ZNF578: variants seen among roughly 807,000 people sequenced by gnomAD.
ZNF578 encodes the protein Putative chemokine-related protein B42.
In ZNF578, 8 loss-of-function variants were observed where a neutral mutation model predicts 8.3. The observed-to-expected ratio is 0.96, with a 90% CI of 0.56 to 1.74. The LOEUF is 1.74. Among genes scored for constraint, ZNF578 ranks in the 40% most tolerant of loss-of-function variants. The probability of loss-of-function intolerance (pLI) is 0.00; values close to 1 mark genes in which losing one functional copy is unlikely to be tolerated. For missense variants in ZNF578, 726 were observed against 707.5 expected (o/e 1.03, Z -0.30); for synonymous variants, 206 against 232.2 (o/e 0.89, Z 1.03).
intron 2 of ZNF578, among the ~76,000 whole-genome samples, chr19:52,481,800 C>T: frequency 6.6e-6 from 1 of 151,050 alleles, no homozygotes; most frequent in Non-Finnish European, 1.5e-5. Flanking sequence ...GTGTAACTTC[C>T]TCTAACTGCA....
intron 3 of ZNF578, among the ~76,000 whole-genome samples, chr19:52,500,530 C>T (rs2059403176): frequency 6.6e-6 from 1 of 151,610 alleles, no homozygotes; most frequent in Non-Finnish European, 1.5e-5. Flanking sequence ...CCTCAGCTTC[C>T]CAAGTAGATG....
intron 2 of ZNF578, among the ~76,000 whole-genome samples, chr19:52,482,907 C>G (rs1568459950): frequency 6.8e-6 from 1 of 146,044 alleles, no homozygotes; most frequent in Non-Finnish European, 1.5e-5. Context: ...CACTACCACA[C>G]TGCAGCCTGG....
At chr19:52,474,740 T>G (rs1376431064) in intron 2 of ZNF578, 1 of 207,356 alleles carries the variant, frequency 4.8e-6, no homozygotes, top group Admixed American at 5.3e-5. Flanking sequence ...TTCTCTCCAG[T>G]ATGAATTACA....
intron 2 of ZNF578, among the ~76,000 whole-genome samples, chr19:52,490,279 T>TA (rs1017111755): frequency 5.3e-5 from 8 of 152,222 alleles, no homozygotes; most frequent in African/African-American, 1.9e-4. Context: ...CTGACACTGT[T>TA]AGTCAGTTCT....
chr19:52,460,856 G>T (rs768150455), intron 2 of ZNF578, among the ~76,000 whole-genome samples: 10 of 152,126 alleles, frequency 6.6e-5, no homozygotes, highest in Non-Finnish European at 1.3e-4. Flanking sequence ...TAATAGTAGT[G>T]ATATAGTTTT....
intron 2 of ZNF578, among the ~76,000 whole-genome samples, chr19:52,484,124 T>A (rs1247516547): frequency 6.6e-5 from 10 of 152,208 alleles, no homozygotes; most frequent in African/African-American, 2.4e-4. Flanking sequence ...CAAATGTCTC[T>A]GCATCATAAA....
At chr19:52,493,930 T>C (rs985592297) in intron 3 of ZNF578, among the ~76,000 whole-genome samples, 2 of 147,686 alleles carry the variant, frequency 1.4e-5, no homozygotes, top group East Asian at 2.0e-4. Context: ...GCGGAGGTTG[T>C]GGTGAGCCGA....
Position 52,501,851 on chromosome 19 carries a change from A to T in ZNF578, c.6A>T (p.Leu2Phe), listed in dbSNP as rs2059408761. ...GGATTGATTTCTAAAGACTCATGTT[A>T]CATGAGGAAGCAGCTCAGAAGAGGA... is the stretch of plus-strand genomic sequence containing the variant. M[L>F]HEEAAQKRKG... Residue 2 changes from leucine (L) to phenylalanine (F), a missense_variant, in exon 4 of 6, where the codon TTA becomes TTT. Coordinates refer to ENST00000421239, the MANE Select transcript of ZNF578 (RefSeq NM_001099694.2). 5.0e-6 allele frequency: 8 copies of T among 1,613,678 alleles called. No individual in the cohort carries two copies. Among genetic ancestry groups the T allele is most frequent in the Non-Finnish European group, 1.7e-6 (2 of 1,179,746 alleles).
In ZNF578 at chr19:52,495,342, TAGG is replaced by T. The variant is rs1403098870; in HGVS notation, c.-20+3921_-20+3923del. Among the ~76,000 whole-genome samples the T allele has an allele frequency of 1.4e-5, 2 of 145,296 alleles. 1 individual carries two copies. Among genetic ancestry groups the T allele is most frequent in the Non-Finnish European group, 3.1e-5 (2 of 65,030 alleles). On this transcript the variant is annotated intron_variant, in intron 3 of 5. Coordinates refer to ENST00000421239, the MANE Select transcript of ZNF578 (RefSeq NM_001099694.2). ...CCACCATGCCCCGCTAATTTTGGAT[TAGG>T]AGGCCGAGGCAGGAGAATCACTTGA... is the stretch of plus-strand genomic sequence containing the variant.
intron 2 of ZNF578, among the ~76,000 whole-genome samples, chr19:52,465,487 C>T (rs1568455833): frequency 6.6e-6 from 1 of 152,204 alleles, no homozygotes; most frequent in Non-Finnish European, 1.5e-5. Flanking sequence ...GACTCAGCCT[C>T]ATCGTCTGTC....
intron 4 of ZNF578, among the ~76,000 whole-genome samples, chr19:52,503,369 G>A (rs1192750482): frequency 6.6e-6 from 1 of 152,042 alleles, no homozygotes; most frequent in Non-Finnish European, 1.5e-5. Context: ...TTTTTGAGAT[G>A]GAGTCTCTCT....
chr19:52,474,463 T>C, intron 2 of ZNF578: 1 of 316,146 alleles, frequency 3.2e-6, no homozygotes, highest in South Asian at 3.1e-5. Context: ...GCCACATTCA[T>C]TACATTTGTA....
At chr19:52,502,952 T>G (rs6509651) in intron 4 of ZNF578, among the ~76,000 whole-genome samples, 48,314 of 151,958 alleles carry the variant, frequency 0.32, 7,824 homozygotes, top group African/African-American at 0.35. Flanking sequence ...GAGTGCAATG[T>G]CAGGATCTCA....
In ZNF578 at chr19:52,512,040, T is replaced by C; in HGVS notation, c.1659T>C (p.Tyr553=). 1.2e-6 allele frequency: 2 copies of C among 1,613,730 alleles called. No homozygotes were observed. The highest frequency in any genetic ancestry group is 1.7e-6 in the Non-Finnish European group (2 of 1,179,916). ...VCDKAFMCHS[Y]LANHTRIHSG... ...ACAAGGCTTTCATGTGCCATTCTTA[T>C]CTGGCAAACCATACTAGAATTCATA... The change falls in exon 6 of 6, where the codon TAT becomes TAC. Residue 553 remains tyrosine (Y), a synonymous_variant. Transcript: ENST00000421239.
At position 52,513,361 on chromosome 19, in the gene ZNF578, TGAGATAGTACTTTTTAAA is replaced by T. The variant is rs2059458064; in HGVS notation, c.*1223_*1240del. On this transcript the variant is annotated 3_prime_UTR_variant, in exon 6 of 6. Coordinates refer to ENST00000421239, the MANE Select transcript of ZNF578 (RefSeq NM_001099694.2). ...CCTTTTTTTTTTTTTTTTTTTTTTT[TGAGATAGTACTTTTTAAA>T]GAGATAGTACTTTTTTGAGATAGTA... Among the ~76,000 whole-genome samples, 1 of 111,290 alleles carries T rather than the reference TGAGATAGTACTTTTTAAA, an allele frequency of 9.0e-6. No homozygotes were observed. Among genetic ancestry groups the T allele is most frequent in the African/African-American group, 3.5e-5 (1 of 28,502 alleles). 73.0% of individuals were successfully genotyped at this position (111,290 alleles called of 152,430 possible).
At chr19:52,459,560 G>A (rs2059249469) in intron 2 of ZNF578, among the ~76,000 whole-genome samples, 1 of 146,466 alleles carries the variant, frequency 6.8e-6, no homozygotes, top group South Asian at 2.2e-4. Flanking sequence ...TGATGAGCAG[G>A]GATTTGCAAA....
At chr19:52,494,751 C>T (rs1347956525) in intron 3 of ZNF578, among the ~76,000 whole-genome samples, 2 of 152,140 alleles carry the variant, frequency 1.3e-5, no homozygotes, top group Admixed American at 1.3e-4. Context: ...TCACTCTCTT[C>T]CCTTTTCCCA....
intron 5 of ZNF578, among the ~76,000 whole-genome samples, chr19:52,505,239 A>G (rs1568466175): frequency 6.6e-6 from 1 of 151,732 alleles, no homozygotes; most frequent in Admixed American, 6.6e-5. Flanking sequence ...GCACTGTGAC[A>G]ATGTTCATCC....
At chr19:52,472,819 C>A (rs993657528) in intron 2 of ZNF578, among the ~76,000 whole-genome samples, 11 of 152,016 alleles carry the variant, frequency 7.2e-5, no homozygotes, top group African/African-American at 2.7e-4. Flanking sequence ...AGTAAAGAAG[C>A]CTTTTCAAAA....
Sources: gnomAD v4.1 joint callset for allele counts (sites outside exome capture counted in the v4.1 genomes callset) on GRCh38, gnomAD v4.1.1 for gene constraint, MANE v1.5 for transcripts, NCBI Gene and HGNC (gene_info 2026-07-23, HGNC 2026-07-21) for gene names.